AKR1B15: variants seen among roughly 807,000 people sequenced by gnomAD.
AKR1B15 encodes the protein estradiol 17-beta-dehydrogenase AKR1B15.
In AKR1B15, 49 loss-of-function variants were observed where a neutral mutation model predicts 38.5. The observed-to-expected ratio is 1.27, with a 90% confidence interval of 1.01 to 1.62. The LOEUF (loss-of-function observed/expected upper bound fraction) is 1.62, where lower values mean the gene tolerates loss of function less well. Ranked by LOEUF, AKR1B15 falls within the 40% of genes most tolerant of loss-of-function variation. The pLI is 0.00. For synonymous variants in AKR1B15, 137 were observed against 135.5 expected, an observed-to-expected ratio of 1.01 and a Z score of -0.08; for missense variants, 411 against 381.6, an observed-to-expected ratio of 1.08 and a Z score of -0.64.
intron 2 of AKR1B15, among the ~76,000 whole-genome samples, chr7:134,558,612 G>C (rs886356138): frequency 6.6e-6 from 1 of 152,142 alleles, no homozygotes; most frequent in Non-Finnish European, 1.5e-5. Flanking sequence ...CTTAGTTTTA[G>C]AAACTCGATT....
At chr7:134,566,160 G>A (rs1794529494) in intron 3 of AKR1B15, among the ~76,000 whole-genome samples, 1 of 152,178 alleles carries the variant, frequency 6.6e-6, no homozygotes, top group African/African-American at 2.4e-5. Context: ...TGTGCATGGT[G>A]GCATGCAGCT....
chr7:134,565,315 CA>C, intron 3 of AKR1B15: 7 of 1,180,358 alleles, frequency 5.9e-6, no homozygotes, highest in Middle Eastern at 3.0e-4. Context: ...TCTGAAGGAA[CA>C]AACTCCAGAC....
intron 1 of AKR1B15, among the ~76,000 whole-genome samples, chr7:134,556,116 G>A (rs1794187237): frequency 1.3e-5 from 2 of 152,142 alleles, no homozygotes; most frequent in Admixed American, 1.3e-4. Flanking sequence ...TCACCATCCA[G>A]AAAAAATTCC....
At chr7:134,562,704 C>T (rs1340256944) in intron 2 of AKR1B15, among the ~76,000 whole-genome samples, 4 of 152,122 alleles carry the variant, frequency 2.6e-5, no homozygotes, top group African/African-American at 9.7e-5. Context: ...CTGGCTACAC[C>T]TCTCACCACC....
intron 6 of AKR1B15, among the ~76,000 whole-genome samples, chr7:134,575,146 T>A (rs968167615): frequency 1.3e-5 from 2 of 152,226 alleles, no homozygotes; most frequent in African/African-American, 4.8e-5. Flanking sequence ...GAACTATAAT[T>A]TTTTATGTGT....
chr7:134,562,827 CCTTT>C (rs1329505020), intron 2 of AKR1B15, among the ~76,000 whole-genome samples: 2 of 138,316 alleles, frequency 1.4e-5, no homozygotes, highest in Non-Finnish European at 3.1e-5. Context: ...TTCCTTCCTT[CCTTT>C]CTCTTTCTTT....
At chr7:134,577,074 A>G (rs370466178) in intron 10 of AKR1B15, 28 bp downstream of exon 10, 50 of 1,588,504 alleles carry the variant, frequency 3.1e-5, no homozygotes, top group Non-Finnish European at 4.2e-5. Context: ...CGGGCCTGGT[A>G]TTCCTCAGTG....
intron 5 of AKR1B15, among the ~76,000 whole-genome samples, chr7:134,571,327 G>A (rs1794662888): frequency 6.6e-6 from 1 of 152,224 alleles, no homozygotes; most frequent in Non-Finnish European, 1.5e-5. Flanking sequence ...ATGTAGGTGT[G>A]TGAGGTTAAT....
intron 1 of AKR1B15, among the ~76,000 whole-genome samples, chr7:134,553,994 G>C (rs1585779864): frequency 6.6e-6 from 1 of 151,688 alleles, no homozygotes. Flanking sequence ...CCCTCCAATA[G>C]GGTAAAGACA....
chr7:134,556,994 A>AGCTCTAGAAGAAAGTTGTT (rs1176742494), intron 2 of AKR1B15, 135 bp downstream of exon 2: 4 of 152,234 alleles, frequency 2.6e-5, no homozygotes, highest in African/African-American at 9.6e-5. Flanking sequence ...GTTTATGCAC[A>AGCTCTAGAAGAAAGTTGTT]GCTCTAGAAG....
At chr7:134,553,916 A>C (rs1428931818) in intron 1 of AKR1B15, among the ~76,000 whole-genome samples, 1 of 152,188 alleles carries the variant, frequency 6.6e-6, no homozygotes, top group Non-Finnish European at 1.5e-5. Flanking sequence ...AGACAGATGT[A>C]CTGTAGGCCC....
chr7:134,553,570 T>C (rs1293318269), intron 1 of AKR1B15, among the ~76,000 whole-genome samples: 2 of 152,206 alleles, frequency 1.3e-5, no homozygotes, highest in African/African-American at 4.8e-5. Context: ...GGCCAGAATT[T>C]AACCCTTACG....
In AKR1B15 at chr7:134,579,481, C is replaced by CTT. The variant is rs72495463; in HGVS notation, c.993-16_993-15dup. 7.6e-3 allele frequency: 10,041 copies of CTT among 1,319,884 alleles called. 1 individual carries two copies. Among genetic ancestry groups the CTT allele is most frequent in the South Asian group, 9.6e-3 (663 of 69,008 alleles). The allele number at this position is 1,319,884 out of a possible 1,614,324, so 81.8% of individuals were successfully genotyped here. A position where few individuals can be genotyped will look rare whatever the true frequency, so the allele number is the denominator to read the frequency against. On this transcript the variant is annotated intron_variant, in intron 11 of 11. Transcript: ENST00000457545. ...TTGTTGCTTTGATGGAACACAGTTTCTTTTTTTTTTTCTCTCTCTCTGTAG... is the reference window on the plus strand; with the variant it reads ...TTGTTGCTTTGATGGAACACAGTTTCTTTTTTTTTTTTTCTCTCTCTCTGTAG...
intron 8 of AKR1B15, among the ~76,000 whole-genome samples, 165 bp downstream of exon 8, chr7:134,576,092 AAACAACAAC>A (rs753893678): frequency 1.3e-5 from 2 of 151,992 alleles, no homozygotes; most frequent in Non-Finnish European, 2.9e-5. Context: ...AATGGGAATT[AAACAACAAC>A]AACAACAACA....
At chr7:134,571,736 A>G in intron 6 of AKR1B15, 55 bp downstream of exon 6, 1 of 1,378,226 alleles carries the variant, frequency 7.3e-7, no homozygotes, top group Non-Finnish European at 1.0e-6. Context: ...GTTATCCATG[A>G]GATTCCCATT....
chr7:134,559,327 G>A (rs1475422890), intron 2 of AKR1B15, among the ~76,000 whole-genome samples: 1 of 152,146 alleles, frequency 6.6e-6, no homozygotes, highest in Non-Finnish European at 1.5e-5. Flanking sequence ...TGGTGACTGG[G>A]CAGATGTTTG....
Position 134,575,460 on chromosome 7 carries a change from T to G in AKR1B15, c.554T>G (p.Leu185Arg). 1 of 1,613,902 alleles carries G rather than the reference T, an allele frequency of 6.2e-7. No homozygotes were observed. The highest frequency in any genetic ancestry group is 8.5e-7 in the Non-Finnish European group (1 of 1,179,826). Residue 185 changes from leucine to arginine, a missense_variant, in exon 7 of 12, where the codon CTT becomes CGT. Around this residue, in one of 3 missense-constraint regions of AKR1B15, gnomAD observed 254 missense variants for 212.4 expected, o/e 1.20. Coordinates refer to ENST00000457545, the MANE Select transcript of AKR1B15 (RefSeq NM_001080538.3). ...ELVDEGLVKA[L>R]GVSNFNHFQI... ...GTGGACGAGGGGCTGGTGAAAGCCCTTGGGGTCTCAAATTTCAACCACTTC... is the reference window on the plus strand; with the variant it reads ...GTGGACGAGGGGCTGGTGAAAGCCCGTGGGGTCTCAAATTTCAACCACTTC...
At chr7:134,559,569 T>C (rs1562944781) in intron 2 of AKR1B15, among the ~76,000 whole-genome samples, 1 of 152,218 alleles carries the variant, frequency 6.6e-6, no homozygotes, top group Non-Finnish European at 1.5e-5. Context: ...ATCCATTTCT[T>C]AGAGAAATGA....
chr7:134,564,191 A>G (rs144041865), intron 2 of AKR1B15, among the ~76,000 whole-genome samples: 2,608 of 152,224 alleles, frequency 0.017, 77 homozygotes, highest in African/African-American at 0.06. Flanking sequence ...CAGTTTATCT[A>G]CTTCATTATC....
Sources: gnomAD v4.1 joint callset for allele counts (sites outside exome capture counted in the v4.1 genomes callset) on GRCh38, gnomAD v4.1.1 for gene constraint, gnomAD v4.1.1 regional missense constraint, MANE v1.5 for transcripts, NCBI Gene and HGNC (gene_info 2026-07-23, HGNC 2026-07-21) for gene names.